Variants in MYO3A observed in about 807,000 individuals in gnomAD.
MYO3A encodes myosin-IIIa.
Under a neutral mutation model 192.7 loss-of-function variants are expected in MYO3A, and 180 were observed. The ratio of observed to expected loss-of-function variants is 0.93; its 90% CI spans 0.83 to 1.06. MYO3A has a LOEUF of 1.06. MYO3A is among the 50% of genes least tolerant of loss of function. The pLI, the probability that MYO3A is intolerant of heterozygous loss-of-function variation, is 0.00. For synonymous variants in MYO3A, 628 were observed against 645.3 expected (o/e 0.97, Z 0.41); for missense variants, 1,896 against 1,905.0 (o/e 1.00, Z 0.09).
intron 15 of MYO3A, among the ~76,000 whole-genome samples, chr10:26,089,087 T>C (rs1017111814): frequency 6.6e-5 from 10 of 152,250 alleles, no homozygotes; most frequent in African/African-American, 2.4e-4. Context: ...TCTTTCATTT[T>C]TCTTATGTTG....
chr10:26,176,687 G>T lies in MYO3A; in HGVS notation c.4294-14G>T. ...TTTTCCTTGATTTAACCTGACACAT[G>T]ACCTTCTTTTTAGATATCAAAGTTA... On this transcript the variant is annotated splice_polypyrimidine_tract_variant and intron_variant, in intron 30 of 34. Coordinates refer to ENST00000642920, the MANE Select transcript of MYO3A (RefSeq NM_017433.5). 1 of 1,604,762 alleles carries T rather than the reference G, an allele frequency of 6.2e-7. No homozygotes were observed. Among genetic ancestry groups the T allele is most frequent in the South Asian group, 1.1e-5 (1 of 90,778 alleles).
At chr10:26,067,195 C>T (rs1295692215) in intron 11 of MYO3A, 121 bp downstream of exon 11, 59 of 693,212 alleles carry the variant, frequency 8.5e-5, no homozygotes, top group Non-Finnish European at 5.1e-6. Flanking sequence ...AGAATCTTAA[C>T]ACTCACTCTG....
At chr10:26,104,527 T>C (rs1405216892) in intron 17 of MYO3A, among the ~76,000 whole-genome samples, 2 of 152,184 alleles carry the variant, frequency 1.3e-5, no homozygotes, top group African/African-American at 2.4e-5. Flanking sequence ...TTCTATCTCA[T>C]TGATTTATAT....
rs376837414 is a variant in MYO3A, at chr10:26,193,604, A to G, written c.4545+293A>G. The stretch of plus-strand genomic sequence containing the variant: ...TATGAAAATATCAACTCAGAAAGAG[A>G]AACCCATCATAGCAGGAGCTCTCCA... On this transcript the variant is annotated intron_variant, in intron 32 of 34. Transcript: ENST00000642920. Among the ~76,000 whole-genome samples, 19 of 152,284 alleles carry G rather than the reference A, an allele frequency of 1.2e-4. 1 individual carries two copies. In the South Asian group the frequency reaches 3.9e-3, roughly 32 times the overall value.
intron 10 of MYO3A, among the ~76,000 whole-genome samples, chr10:26,062,693 T>C (rs1320561126): frequency 6.6e-6 from 1 of 152,068 alleles, no homozygotes; most frequent in Admixed American, 6.6e-5. Flanking sequence ...TTGAGGACTG[T>C]ACACCTTAGG....
At chr10:26,147,369 TGAGGAG>T in intron 22 of MYO3A, 55 bp from the exon 23 acceptor site, 2 of 1,483,518 alleles carry the variant, frequency 1.3e-6, no homozygotes, top group Non-Finnish European at 1.9e-6. Flanking sequence ...ATGATGATGG[TGAGGAG>T]GAGGAGGATG....
rs908803887 is a variant in MYO3A at position 26,101,032 on chromosome 10, C to T, written c.1776+4350C>T. On this transcript the variant is annotated intron_variant, in intron 17 of 34. Transcript: ENST00000642920. ...CCCATTATTAATGTGTGGGAGTCTA[C>T]GTCTCTTTGTAGGTCTCTAAAGACT... 9.9e-5 allele frequency among the ~76,000 whole-genome samples: 15 copies of T among 152,018 alleles called. 1 individual carries two copies. The highest frequency in any genetic ancestry group is 6.6e-4 in the Admixed American group (10 of 15,240).
At chr10:26,019,804 A>G (rs1395950968) in intron 7 of MYO3A, among the ~76,000 whole-genome samples, 1 of 152,170 alleles carries the variant, frequency 6.6e-6, no homozygotes, top group Non-Finnish European at 1.5e-5. Context: ...GTTGATGAAC[A>G]TTTGGGTGTT....
intron 23 of MYO3A, among the ~76,000 whole-genome samples, chr10:26,148,435 G>C (rs919494896): frequency 6.6e-6 from 1 of 152,192 alleles, no homozygotes; most frequent in East Asian, 1.9e-4. Context: ...GGCAGTACAA[G>C]TTAACCTGAC....
intron 10 of MYO3A, among the ~76,000 whole-genome samples, chr10:26,045,845 T>C (rs1843609560): frequency 1.3e-5 from 2 of 152,306 alleles, no homozygotes; most frequent in Middle Eastern, 3.4e-3. Flanking sequence ...ATCTCGTTTC[T>C]ACAAGGTTGT....
In MYO3A at chr10:26,148,216, T is replaced by C. The variant is rs772877561; in HGVS notation, c.2635+657T>C. On this transcript the variant is annotated intron_variant, in intron 23 of 34. Transcript: ENST00000642920. ...TGATGTTTCTCATGACCCTTTATAA[T>C]CCTTCCCTCCAAACCTCTCTGTTCT... Among the ~76,000 whole-genome samples, 4 of 152,286 alleles carry C rather than the reference T, an allele frequency of 2.6e-5. No homozygotes were observed. In the South Asian group the frequency reaches 6.2e-4, roughly 24 times the overall value.
chr10:26,008,564 G>A (rs879644202), intron 6 of MYO3A, among the ~76,000 whole-genome samples: 92 of 150,314 alleles, frequency 6.1e-4, no homozygotes, highest in African/African-American at 1.4e-3. Context: ...AAAAGTGGGC[G>A]AAGGATATGA....
rs763004892 is a variant in MYO3A, at chr10:26,096,385, GA to G, written c.1574del (p.Asn525IlefsTer18). On this transcript the variant is annotated frameshift_variant, in exon 16 of 35. Coordinates refer to ENST00000642920, the MANE Select transcript of MYO3A (RefSeq NM_017433.5). LOFTEE classifies it high-confidence loss of function. The stretch of plus-strand genomic sequence containing the variant: ...TGTAAATATCTTTTTTTCCAGTGGA[GA>G]AAAAAATTTTCATATTTTTTACTAC... ...KSRVIHQAIG[E>X]KNFHIFYYIY... The G allele has an allele frequency of 5.0e-6, 8 of 1,607,180 alleles. No individual in the cohort carries two copies. The South Asian group carries it at 5.5e-5, about 11-fold the overall frequency.
chr10:26,115,642 C>G (rs1281456671), intron 17 of MYO3A, among the ~76,000 whole-genome samples: 2 of 152,122 alleles, frequency 1.3e-5, no homozygotes, highest in Middle Eastern at 6.8e-3. Context: ...TTACATTGCC[C>G]TAAACAAACA....
chr10:26,050,594 A>G (rs550034295), intron 10 of MYO3A, among the ~76,000 whole-genome samples: 1 of 152,326 alleles, frequency 6.6e-6, no homozygotes, highest in African/African-American at 2.4e-5. Flanking sequence ...AGATGTCAGG[A>G]ATTCTGCAGA....
rs1839460907 is a variant in MYO3A, at chr10:25,983,473, G to A, written c.304-13017G>A. 2.6e-5 allele frequency among the ~76,000 whole-genome samples: 4 copies of A among 151,972 alleles called. 1 individual carries two copies. The South Asian group carries it at 8.3e-4, about 32-fold the overall frequency. Reference sequence around the variant, plus strand: ...GGGGTTTCACCGTGTTATCCAGGATGGTCTCGATCTCCTGACCTTGTGATC... The same window carrying A: ...GGGGTTTCACCGTGTTATCCAGGATAGTCTCGATCTCCTGACCTTGTGATC... On this transcript the variant is annotated intron_variant, in intron 4 of 34. Coordinates refer to ENST00000642920, the MANE Select transcript of MYO3A (RefSeq NM_017433.5).
rs745708093 is a variant in MYO3A, at chr10:26,203,018, T to C, written c.4641T>C (p.Ser1547=). 101 of 1,613,714 alleles carry C rather than the reference T, an allele frequency of 6.3e-5. No homozygotes were observed. The highest frequency in any genetic ancestry group is 4.9e-4 in the Middle Eastern group (3 of 6,082). The change falls in exon 34 of 35, where the codon AGT becomes AGC. Residue 1547 remains serine, a synonymous_variant. Transcript: ENST00000642920. ...EDFYYKEFLP[S]RSGPKEHSPS... is the part of the protein sequence containing the mutation. Reference sequence around the variant, plus strand: ...TCTATTATAAGGAATTTTTGCCCAGTCGTTCTGGACCAAAGGAACATAGCC... The same window carrying C: ...TCTATTATAAGGAATTTTTGCCCAGCCGTTCTGGACCAAAGGAACATAGCC...
intron 27 of MYO3A, among the ~76,000 whole-genome samples, chr10:26,167,520 C>G (rs1416799171): frequency 6.6e-6 from 1 of 152,086 alleles, no homozygotes; most frequent in Admixed American, 6.5e-5. Context: ...GTAAAAAGGC[C>G]TTTTGCAGTT....
At chr10:26,072,465 A>G (rs1364879141) in intron 14 of MYO3A, among the ~76,000 whole-genome samples, 2 of 152,220 alleles carry the variant, frequency 1.3e-5, no homozygotes, top group African/African-American at 2.4e-5. Flanking sequence ...AGGGGTTTAC[A>G]TAACAGGGAA....
Sources: gnomAD v4.1 joint callset for allele counts (sites outside exome capture counted in the v4.1 genomes callset) on GRCh38, gnomAD v4.1.1 for gene constraint, MANE v1.5 for transcripts, NCBI Gene and HGNC (gene_info 2026-07-23, HGNC 2026-07-21) for gene names.